CNTN5: variants seen among roughly 807,000 people sequenced by gnomAD.
The protein encoded by CNTN5 is contactin 5.
In CNTN5, 77 loss-of-function variants were observed where a neutral mutation model predicts 129.1. The observed-to-expected ratio is 0.60, with a 90% CI of 0.50 to 0.72. The LOEUF (loss-of-function observed/expected upper bound fraction) is 0.72, where lower values mean the gene tolerates loss of function less well. Ranked by LOEUF, CNTN5 falls within the 30% of genes least tolerant of loss-of-function variation. The pLI, the probability that CNTN5 is intolerant of heterozygous loss-of-function variation, is 0.00. For synonymous variants in CNTN5, 509 were observed against 465.6 expected, an observed-to-expected ratio of 1.09 and a Z score of -1.20; for missense variants, 1,478 against 1,328.8, an observed-to-expected ratio of 1.11 and a Z score of -1.75.
chr11:100,300,553 A>G (rs1440367651), intron 20 of CNTN5, among the ~76,000 whole-genome samples: 2 of 151,582 alleles, frequency 1.3e-5, no homozygotes, highest in Non-Finnish European at 3.0e-5. Flanking sequence ...TAATTATTAT[A>G]TCCCCCCATG....
At chr11:99,517,348 C>T (rs138351967) in intron 2 of CNTN5, among the ~76,000 whole-genome samples, 1 of 152,028 alleles carries the variant, frequency 6.6e-6, no homozygotes. Flanking sequence ...TGCAGTAGAT[C>T]TTCTCCACAG....
At chr11:99,234,762 T>A (rs553082987) in intron 1 of CNTN5, among the ~76,000 whole-genome samples, 13 of 152,016 alleles carry the variant, frequency 8.6e-5, no homozygotes, top group African/African-American at 3.1e-4. Context: ...TAATAAATAA[T>A]AAAAGTAAAT....
chr11:100,257,460 G>A (rs1406488846), intron 17 of CNTN5, among the ~76,000 whole-genome samples: 1 of 152,172 alleles, frequency 6.6e-6, no homozygotes, highest in East Asian at 1.9e-4. Context: ...GCCTCCTCAA[G>A]TGGGTCCCTG....
intron 3 of CNTN5, among the ~76,000 whole-genome samples, chr11:99,591,618 G>A (rs112200728): frequency 4.6e-5 from 7 of 152,196 alleles, no homozygotes; most frequent in South Asian, 2.1e-4. Flanking sequence ...AATTACAGGC[G>A]TGAGCCACCA....
chr11:100,090,882 A>G (rs1235093426), intron 13 of CNTN5, among the ~76,000 whole-genome samples: 1 of 152,006 alleles, frequency 6.6e-6, no homozygotes, highest in Non-Finnish European at 1.5e-5. Flanking sequence ...CTTTACCCCA[A>G]TAGCCTAAGA....
chr11:100,229,190 G>A (rs893835888), intron 16 of CNTN5, among the ~76,000 whole-genome samples: 6 of 138,744 alleles, frequency 4.3e-5, no homozygotes, highest in African/African-American at 1.5e-4. Context: ...CAGTTTATTA[G>A]CTTTTTACAC....
chr11:99,580,163 C>A (rs1468568913), intron 3 of CNTN5, among the ~76,000 whole-genome samples: 2 of 152,182 alleles, frequency 1.3e-5, no homozygotes, highest in African/African-American at 2.4e-5. Context: ...ACCAGCCTTG[C>A]ATCCCAGGGA....
chr11:100,276,370 C>G (rs1565391797), intron 18 of CNTN5, among the ~76,000 whole-genome samples: 1 of 151,922 alleles, frequency 6.6e-6, no homozygotes, highest in Non-Finnish European at 1.5e-5. Context: ...CAAAAACCAT[C>G]TCTGCTAAAC....
chr11:100,032,361 CA>C (rs1441449886), intron 9 of CNTN5, among the ~76,000 whole-genome samples: 1 of 151,964 alleles, frequency 6.6e-6, no homozygotes, highest in Non-Finnish European at 1.5e-5. Flanking sequence ...ATATTATTAT[CA>C]ATTTCAATCC....
At chr11:99,983,044 G>A (rs991078374) in intron 8 of CNTN5, among the ~76,000 whole-genome samples, 2 of 152,126 alleles carry the variant, frequency 1.3e-5, no homozygotes, top group African/African-American at 4.8e-5. Flanking sequence ...GTCACATCAG[G>A]TGCAAAGAAT....
At position 99,671,093 on chromosome 11, in the gene CNTN5, T is replaced by TCTCGCTCG. The variant is rs150383524; in HGVS notation, c.55+114836_55+114843dup. Among the ~76,000 whole-genome samples, 4 of 151,902 alleles carry TCTCGCTCG rather than the reference T, an allele frequency of 2.6e-5. 1 individual carries two copies. The highest frequency in any genetic ancestry group is 4.2e-4 in the South Asian group (2 of 4,812). The stretch of plus-strand genomic sequence containing the variant: ...CTCTCTCTCGCTTTCTTGTGAGTTC[T>TCTCGCTCG]CTCGCTCGCTCGCTCGCTCTTGCTC... On this transcript the variant is annotated intron_variant, in intron 3 of 24. Transcript: ENST00000524871.
chr11:99,627,789 T>C (rs1407950629), intron 3 of CNTN5, among the ~76,000 whole-genome samples: 1 of 151,824 alleles, frequency 6.6e-6, no homozygotes, highest in African/African-American at 2.4e-5. Flanking sequence ...TGAAAGGATA[T>C]AAATAGAGCA....
Position 99,934,872 on chromosome 11 carries a change from C to CTGTGTGTGTGTG in CNTN5, c.673+18739_673+18750dup, listed in dbSNP as rs369560126. Among the ~76,000 whole-genome samples, 334 of 50,018 alleles carry CTGTGTGTGTGTG rather than the reference C, an allele frequency of 6.7e-3. 23 individuals are homozygous for CTGTGTGTGTGTG. Among genetic ancestry groups the CTGTGTGTGTGTG allele is most frequent in the South Asian group, 0.014 (13 of 940 alleles). The allele number at this position is 50,018 out of a possible 152,430, so 32.8% of individuals were successfully genotyped here. On this transcript the variant is annotated intron_variant, in intron 7 of 24. Transcript: ENST00000524871. ...CCTGGGCAACAGAGTGAGACTCAGT[C>CTGTGTGTGTGTG]TGTGTGTGTGTGTGTGTGTGTGTGT...
chr11:99,912,645 GT>G (rs11424813), intron 6 of CNTN5, among the ~76,000 whole-genome samples: 20,268 of 142,106 alleles, frequency 0.14, 1,638 homozygotes, highest in Middle Eastern at 0.21. Flanking sequence ...GTTTTTCATA[GT>G]TTTTTTTTTT....
At chr11:99,233,593 A>G (rs948397399) in intron 1 of CNTN5, among the ~76,000 whole-genome samples, 4 of 152,196 alleles carry the variant, frequency 2.6e-5, no homozygotes, top group African/African-American at 9.7e-5. Flanking sequence ...GTCATGATCA[A>G]TTAGTAAAAT....
rs61891107 is a variant in CNTN5, at chr11:99,046,326, C to A, written c.-210+25056C>A. Reference sequence around the variant, plus strand: ...CTGCACTCCAGCCTGGGTGACACAGCGAGACCCAGTCTCAAAAAAGAAAAG... The same window carrying A: ...CTGCACTCCAGCCTGGGTGACACAGAGAGACCCAGTCTCAAAAAAGAAAAG... On this transcript the variant is annotated intron_variant, in intron 1 of 24. Transcript: ENST00000524871. Among the ~76,000 whole-genome samples, 371 of 151,942 alleles carry A rather than the reference C, an allele frequency of 2.4e-3. 1 individual carries two copies. The highest frequency in any genetic ancestry group is 8.6e-3 in the African/African-American group (355 of 41,420).
intron 1 of CNTN5, among the ~76,000 whole-genome samples, chr11:99,234,808 GTAAA>G (rs1861182872): frequency 6.6e-6 from 1 of 151,936 alleles, no homozygotes; most frequent in Non-Finnish European, 1.5e-5. Flanking sequence ...CAATCACTTG[GTAAA>G]TAGACTCAAC....
chr11:100,352,384 T>A (rs945448316), intron 24 of CNTN5, among the ~76,000 whole-genome samples: 2 of 151,814 alleles, frequency 1.3e-5, no homozygotes, highest in Non-Finnish European at 2.9e-5. Context: ...ACTGTGGTTA[T>A]ATTTTTAAAA....
chr11:100,268,351 G>C (rs1944161), intron 17 of CNTN5, among the ~76,000 whole-genome samples: 45,594 of 151,880 alleles, frequency 0.3, 7,113 homozygotes, highest in Non-Finnish European at 0.35. Flanking sequence ...ATAAAATAAA[G>C]AATAAAAATT....
Sources: gnomAD v4.1 joint callset for allele counts (sites outside exome capture counted in the v4.1 genomes callset) on GRCh38, gnomAD v4.1.1 for gene constraint, MANE v1.5 for transcripts, NCBI Gene and HGNC (gene_info 2026-07-23, HGNC 2026-07-21) for gene names.